SLC8A1: variants seen among roughly 807,000 people sequenced by gnomAD.
SLC8A1 encodes solute carrier family 8 member A1.
SLC8A1 carries 18 observed loss-of-function variants against 68.3 expected under a neutral mutation model. The ratio of observed to expected loss-of-function variants is 0.26; its 90% confidence interval spans 0.18 to 0.39. SLC8A1 has a LOEUF of 0.39. Among genes scored for constraint, SLC8A1 ranks in the 10% least tolerant of loss-of-function variants. SLC8A1 has a pLI of 1.00. For synonymous variants in SLC8A1, 475 were observed against 415.5 expected (o/e 1.14, Z -1.74); for missense variants, 985 against 1,156.7 (o/e 0.85, Z 2.15).
At chr2:40,156,257 G>C (rs955992554) in intron 6 of SLC8A1, among the ~76,000 whole-genome samples, 1 of 152,034 alleles carries the variant, frequency 6.6e-6, no homozygotes, top group Non-Finnish European at 1.5e-5. Flanking sequence ...AGCTAGCCTA[G>C]TCCAACTCTC....
intron 1 of SLC8A1, among the ~76,000 whole-genome samples, chr2:40,511,697 AAAG>A (rs1211620748): frequency 6.6e-6 from 1 of 152,168 alleles, no homozygotes; most frequent in East Asian, 1.9e-4. Context: ...GAAAAAAAAG[AAAG>A]AAGACAAAAT....
intron 2 of SLC8A1, among the ~76,000 whole-genome samples, chr2:40,221,035 C>T (rs2058256395): frequency 6.6e-6 from 1 of 152,000 alleles, no homozygotes; most frequent in Non-Finnish European, 1.5e-5. Context: ...ATGAGGCCAG[C>T]ATCATCCTGA....
At chr2:40,199,310 C>T (rs1401061406) in intron 2 of SLC8A1, among the ~76,000 whole-genome samples, 1 of 151,708 alleles carries the variant, frequency 6.6e-6, no homozygotes, top group African/African-American at 2.4e-5. Flanking sequence ...TGTTGGATCA[C>T]TGGCTTGCAA....
chr2:40,401,666 CA>C (rs1688801899), intron 2 of SLC8A1, among the ~76,000 whole-genome samples: 1 of 148,994 alleles, frequency 6.7e-6, no homozygotes, highest in Non-Finnish European at 1.5e-5. Context: ...AAAAGTTCCC[CA>C]AAGTCATGAA....
In SLC8A1 at chr2:40,115,591, A is replaced by G. The variant is rs772700481; in HGVS notation, c.2476T>C (p.Tyr826His). The G allele has an allele frequency of 2.9e-5, 46 of 1,612,380 alleles. No individual in the cohort carries two copies. The highest frequency in any genetic ancestry group is 3.4e-4 in the Middle Eastern group (2 of 5,894). Residue 826 changes from tyrosine (Y) to histidine (H), a missense_variant, in exon 8 of 8, where the codon TAT becomes CAT. Physicochemically the swap from Tyr to His is moderately conservative, Grantham distance 83. Coordinates refer to ENST00000406785, the Ensembl canonical transcript of SLC8A1. ...ACGTTACCTATGGAGGCGTCTGCAT[A>G]CTGGTCCTGGGTGGCTGCCACTTTG...
intron 6 of SLC8A1, among the ~76,000 whole-genome samples, chr2:40,153,133 C>A (rs1255844729): frequency 6.6e-6 from 1 of 151,886 alleles, no homozygotes; most frequent in East Asian, 1.9e-4. Context: ...TTAAAGATAC[C>A]TGTGAAGTAA....
chr2:40,226,798 C>G (rs1326125742), intron 2 of SLC8A1, among the ~76,000 whole-genome samples: 5 of 152,072 alleles, frequency 3.3e-5, no homozygotes, highest in African/African-American at 1.2e-4. Flanking sequence ...TTAGTATAAT[C>G]CTGAAATTAG....
At chr2:40,323,592 C>G (rs1042610212) in intron 2 of SLC8A1, among the ~76,000 whole-genome samples, 5 of 152,134 alleles carry the variant, frequency 3.3e-5, no homozygotes, top group Middle Eastern at 3.4e-3. Flanking sequence ...TACCAGGAAA[C>G]AGCATAATGC....
intron 2 of SLC8A1, among the ~76,000 whole-genome samples, chr2:40,228,800 C>G (rs144648021): frequency 6.6e-6 from 1 of 152,086 alleles, no homozygotes; most frequent in Non-Finnish European, 1.5e-5. Flanking sequence ...GATCACCAAT[C>G]CAAGGTGAGG....
At chr2:40,460,134 G>C (rs948637372) in intron 1 of SLC8A1, among the ~76,000 whole-genome samples, 1 of 152,142 alleles carries the variant, frequency 6.6e-6, no homozygotes, top group African/African-American at 2.4e-5. Flanking sequence ...TTTTTGAAAT[G>C]AATGATATCA....
intron 1 of SLC8A1, among the ~76,000 whole-genome samples, chr2:40,490,122 C>T (rs963683649): frequency 3.9e-5 from 6 of 152,000 alleles, no homozygotes; most frequent in African/African-American, 7.2e-5. Flanking sequence ...AGTGAAATTG[C>T]GTGGATATCT....
intron 2 of SLC8A1, among the ~76,000 whole-genome samples, chr2:40,252,840 A>ACATATATGT (rs1558963983): frequency 8.7e-6 from 1 of 114,352 alleles, no homozygotes; most frequent in African/African-American, 3.8e-5. Flanking sequence ...ACATGTGTAT[A>ACATATATGT]CATATATGTA....
intron 1 of SLC8A1, among the ~76,000 whole-genome samples, chr2:40,438,004 G>A (rs1408025762): frequency 1.3e-5 from 2 of 151,058 alleles, no homozygotes; most frequent in African/African-American, 4.8e-5. Flanking sequence ...TTGACACTGA[G>A]CACTGAAGTG....
At chr2:40,106,636 TCTC>T (rs1158536797) in exon 8 of SLC8A1, 1 of 152,226 alleles carries the variant, frequency 6.6e-6, no homozygotes. Context: ...AAAACCTTGT[TCTC>T]CTTAGAGTTT....
intron 7 of SLC8A1, among the ~76,000 whole-genome samples, chr2:40,137,279 A>T (rs1008550798): frequency 6.6e-6 from 1 of 152,234 alleles, no homozygotes; most frequent in African/African-American, 2.4e-5. Flanking sequence ...GGTATTGGGG[A>T]GTAAAAACAC....
intron 2 of SLC8A1, among the ~76,000 whole-genome samples, chr2:40,194,641 A>G (rs1050005513): frequency 1.6e-4 from 24 of 152,160 alleles, no homozygotes; most frequent in Non-Finnish European, 2.4e-4. Flanking sequence ...GATTGGAGGC[A>G]TTAATAAAAT....
intron 2 of SLC8A1, among the ~76,000 whole-genome samples, chr2:40,412,582 C>T (rs962210743): frequency 1.3e-5 from 2 of 152,144 alleles, no homozygotes; most frequent in South Asian, 4.1e-4. Context: ...AGATTGTTTC[C>T]TTGCTAGAAC....
chr2:40,304,708 G>A lies in SLC8A1; in HGVS notation c.1808+123765C>T, dbSNP rs1465490151. Among the ~76,000 whole-genome samples, 3 of 152,158 alleles carry A rather than the reference G, an allele frequency of 2.0e-5. No individual in the cohort carries two copies. The East Asian group carries it at 5.8e-4, about 29-fold the overall frequency. On this transcript the variant is annotated intron_variant, in intron 2 of 7. Coordinates refer to ENST00000406785, the Ensembl canonical transcript of SLC8A1. ...TCATGTGCTGCCGTGTCTGCTCACT[G>A]ATCACCTCCACTGTCTTCTAATCTG...
intron 1 of SLC8A1, among the ~76,000 whole-genome samples, chr2:40,433,607 T>C (rs572021727): frequency 6.6e-6 from 1 of 152,250 alleles, no homozygotes; most frequent in African/African-American, 2.4e-5. Flanking sequence ...ACCCTAACAA[T>C]AATCCTAAAT....
Sources: allele counts gnomAD v4.1 joint callset (sites outside exome capture counted in the v4.1 genomes callset), GRCh38; gene constraint gnomAD v4.1.1; transcripts MANE v1.5; gene names NCBI Gene and HGNC (gene_info 2026-07-23, HGNC 2026-07-21).